WWOX: variants seen among roughly 807,000 people sequenced by gnomAD.
WWOX encodes the protein WW domain containing oxidoreductase, also known as WW domain-containing oxidoreductase.
A neutral mutation model predicts 46.2 loss-of-function variants in WWOX; 69 were observed. The observed-to-expected ratio is 1.49, with a 90% confidence interval of 1.23 to 1.82. The LOEUF (loss-of-function observed/expected upper bound fraction) is 1.82, where lower values mean the gene tolerates loss of function less well. Among genes scored for constraint, WWOX ranks in the 40% most tolerant of loss-of-function variants. The pLI, the probability that WWOX is intolerant of heterozygous loss-of-function variation, is 0.00. For missense variants in WWOX, 919 were observed against 542.6 expected (o/e 1.69, Z -6.89); for synonymous variants, 359 against 202.6 (o/e 1.77, Z -6.56).
chr16:78,154,816 G>C (rs1297238586), intron 4 of WWOX, among the ~76,000 whole-genome samples: 1 of 152,304 alleles, frequency 6.6e-6, no homozygotes, highest in East Asian at 1.9e-4. Context: ...GATGTTCTTT[G>C]AGATTCGGTG....
At chr16:79,047,456 C>T (rs2048086499) in intron 8 of WWOX, among the ~76,000 whole-genome samples, 1 of 152,130 alleles carries the variant, frequency 6.6e-6, no homozygotes, top group Admixed American at 6.5e-5. Context: ...GCCTGGTCTA[C>T]CAAGGTTTAT....
intron 8 of WWOX, chr16:78,898,849 C>G (rs1379328008): frequency 6.6e-6 from 1 of 152,150 alleles, no homozygotes. Context: ...TAAATTAACT[C>G]TTACACATTT....
At chr16:79,134,832 A>T (rs1218867962) in intron 8 of WWOX, among the ~76,000 whole-genome samples, 1 of 152,136 alleles carries the variant, frequency 6.6e-6, no homozygotes, top group Non-Finnish European at 1.5e-5. Flanking sequence ...GGGATGGCCT[A>T]ATGGGTCCCC....
intron 8 of WWOX, among the ~76,000 whole-genome samples, chr16:79,124,502 C>T (rs1043921019): frequency 1.1e-4 from 16 of 152,158 alleles, no homozygotes; most frequent in Non-Finnish European, 2.1e-4. Context: ...TCTGTCTGAC[C>T]TGTCACGTTA....
At chr16:78,335,577 C>A (rs1478543756) in intron 5 of WWOX, among the ~76,000 whole-genome samples, 1 of 152,058 alleles carries the variant, frequency 6.6e-6, no homozygotes, top group African/African-American at 2.4e-5. Context: ...TACCATTTGA[C>A]CCAGCAATCC....
chr16:78,838,703 C>T (rs568046041), intron 8 of WWOX, among the ~76,000 whole-genome samples: 15 of 152,118 alleles, frequency 9.9e-5, no homozygotes, highest in African/African-American at 2.6e-4. Flanking sequence ...GTTAGCCGGG[C>T]GTGGTAGCAC....
At chr16:78,682,699 T>C (rs1208457162) in intron 8 of WWOX, among the ~76,000 whole-genome samples, 1 of 152,098 alleles carries the variant, frequency 6.6e-6, no homozygotes, top group East Asian at 1.9e-4. Context: ...TATAGCAAGA[T>C]CCCAACCCTA....
intron 4 of WWOX, among the ~76,000 whole-genome samples, chr16:78,144,462 T>TATATATATATATATATATAC (rs1555543063): frequency 4.2e-5 from 1 of 23,628 alleles, no homozygotes; most frequent in African/African-American, 1.6e-4. Flanking sequence ...TATATATATA[T>TATATATATATATATATATAC]ACACACATAT....
intron 8 of WWOX, among the ~76,000 whole-genome samples, chr16:78,501,641 A>T (rs1001848119): frequency 1.3e-5 from 2 of 151,456 alleles, no homozygotes; most frequent in African/African-American, 4.8e-5. Context: ...GCTTCACGCC[A>T]TTCTCCTGCC....
intron 8 of WWOX, among the ~76,000 whole-genome samples, chr16:79,144,292 C>G (rs1015490217): frequency 6.6e-6 from 1 of 152,204 alleles, no homozygotes; most frequent in Non-Finnish European, 1.5e-5. Flanking sequence ...TTTAGCCTGT[C>G]AAGACTTCAG....
chr16:79,130,872 A>AG (rs2049863952), intron 8 of WWOX, among the ~76,000 whole-genome samples: 1 of 152,198 alleles, frequency 6.6e-6, no homozygotes, highest in Non-Finnish European at 1.5e-5. Context: ...GTGTGAGCCA[A>AG]GGGGGCCCTG....
At chr16:78,594,692 C>A (rs747635303) in intron 8 of WWOX, among the ~76,000 whole-genome samples, 1 of 152,026 alleles carries the variant, frequency 6.6e-6, no homozygotes, top group African/African-American at 2.4e-5. Context: ...TTGTCATGGA[C>A]CACACCTTTC....
chr16:78,183,801 AC>A (rs2035608711), intron 5 of WWOX, among the ~76,000 whole-genome samples: 1 of 152,180 alleles, frequency 6.6e-6, no homozygotes, highest in Admixed American at 6.5e-5. Context: ...TCAGTGCCAC[AC>A]AGAGCCTCCC....
intron 8 of WWOX, among the ~76,000 whole-genome samples, chr16:78,996,888 A>C (rs1268145883): frequency 1.3e-5 from 2 of 152,194 alleles, no homozygotes; most frequent in Non-Finnish European, 2.9e-5. Flanking sequence ...AGCTGCGTCC[A>C]CAGTCCCTGC....
At chr16:79,005,525 G>A (rs1226316657) in intron 8 of WWOX, among the ~76,000 whole-genome samples, 3 of 152,132 alleles carry the variant, frequency 2.0e-5, no homozygotes, top group Non-Finnish European at 2.9e-5. Flanking sequence ...ACTCTATGGG[G>A]GCGTCCTCTT....
chr16:78,659,579 A>G (rs1027847201), intron 8 of WWOX, among the ~76,000 whole-genome samples: 2 of 152,184 alleles, frequency 1.3e-5, no homozygotes, highest in African/African-American at 4.8e-5. Context: ...TGAATCAATT[A>G]TCAAATGTTT....
intron 8 of WWOX, among the ~76,000 whole-genome samples, chr16:79,109,361 G>C (rs191092106): frequency 1.3e-5 from 2 of 152,268 alleles, no homozygotes; most frequent in East Asian, 3.9e-4. Flanking sequence ...ACCTCCACTA[G>C]CTAAGCTGAA....
chr16:78,964,804 T>C (rs1356930027), intron 8 of WWOX, among the ~76,000 whole-genome samples: 1 of 152,134 alleles, frequency 6.6e-6, no homozygotes, highest in Non-Finnish European at 1.5e-5. Context: ...CAGCCCTGGG[T>C]CCCTGTGCTG....
intron 5 of WWOX, among the ~76,000 whole-genome samples, chr16:78,312,075 A>T (rs1026683138): frequency 6.6e-6 from 1 of 152,064 alleles, no homozygotes; most frequent in African/African-American, 2.4e-5. Context: ...TTCAATGGCC[A>T]TGTCTCTGGT....
Sources: allele counts gnomAD v4.1 joint callset (sites outside exome capture counted in the v4.1 genomes callset), GRCh38; gene constraint gnomAD v4.1.1; transcripts MANE v1.5; gene names NCBI Gene and HGNC (gene_info 2026-07-23, HGNC 2026-07-21).